The following ANK3 variants were observed in gnomAD, a reference collection of about 807,000 sequenced individuals.
ANK3 encodes the protein ankyrin 3.
A neutral mutation model predicts 370.9 loss-of-function variants in ANK3; 57 were observed. The ratio of observed to expected loss-of-function variants is 0.15; its 90% CI spans 0.12 to 0.19. The LOEUF (loss-of-function observed/expected upper bound fraction) is 0.19. ANK3 is among the 10% of genes least tolerant of loss of function. The pLI is 1.00. For missense variants in ANK3, 4,439 were observed against 5,302.1 expected, an observed-to-expected ratio of 0.84 and a Z score of 5.06; for synonymous variants, 1,929 against 1,946.3, an observed-to-expected ratio of 0.99 and a Z score of 0.23.
chr10:60,085,466 A>AT (rs1396891240), intron 30 of ANK3, among the ~76,000 whole-genome samples: 1 of 152,138 alleles, frequency 6.6e-6, no homozygotes, highest in Non-Finnish European at 1.5e-5. Flanking sequence ...ATGATATTAA[A>AT]TTAAAAAAAA....
In ANK3 at chr10:60,491,137, T is replaced by C. The variant is rs376396378; in HGVS notation, c.96+124049A>G. Among the ~76,000 whole-genome samples, 104 of 152,092 alleles carry C rather than the reference T, an allele frequency of 6.8e-4. 2 individuals are homozygous for C. The South Asian group carries it at 0.021, about 31-fold the overall frequency. On this transcript the variant is annotated intron_variant, in intron 2 of 43. Transcript: ENST00000373827. ...TTCATTTCAATTTTTAATTGTTGATTAGTATTTCATTCTATGAATATAGCA... is the reference window on the plus strand; with the variant it reads ...TTCATTTCAATTTTTAATTGTTGATCAGTATTTCATTCTATGAATATAGCA...
intron 1 of ANK3, among the ~76,000 whole-genome samples, chr10:60,665,322 G>A (rs748822642): frequency 1.1e-4 from 17 of 152,120 alleles, no homozygotes; most frequent in Non-Finnish European, 1.2e-4. Context: ...ACATCAAAAC[G>A]CAGTTATATT....
chr10:60,385,934 T>C (rs1316617049), intron 1 of ANK3, among the ~76,000 whole-genome samples: 1 of 152,056 alleles, frequency 6.6e-6, no homozygotes, highest in Non-Finnish European at 1.5e-5. Flanking sequence ...TTTTATAGTG[T>C]ATGTGGGGAG....
intron 2 of ANK3, among the ~76,000 whole-genome samples, chr10:60,579,473 G>A (rs2077723594): frequency 6.6e-6 from 1 of 151,888 alleles, no homozygotes; most frequent in Non-Finnish European, 1.5e-5. Flanking sequence ...TATGCAAGCT[G>A]TTCTAAGAAG....
At chr10:60,233,904 TC>T (rs1340972268) in intron 8 of ANK3, among the ~76,000 whole-genome samples, 1 of 152,186 alleles carries the variant, frequency 6.6e-6, no homozygotes, top group Non-Finnish European at 1.5e-5. Flanking sequence ...AATAACTATT[TC>T]CTCTACCCCC....
chr10:60,272,182 C>T (rs188228018), intron 4 of ANK3, among the ~76,000 whole-genome samples: 203 of 151,494 alleles, frequency 1.3e-3, no homozygotes, highest in Non-Finnish European at 2.6e-3. Context: ...AGTGCTATGA[C>T]GCTATGAGTG....
rs201665249 is a variant in ANK3 at position 60,293,544 on chromosome 10, CTAGA to C, written c.115-13909_115-13906del. Among the ~76,000 whole-genome samples, 71 of 152,240 alleles carry C rather than the reference CTAGA, an allele frequency of 4.7e-4. 1 individual carries two copies. The highest frequency in any genetic ancestry group is 1.5e-3 in the African/African-American group (64 of 41,556). On this transcript the variant is annotated intron_variant, in intron 1 of 43. Coordinates refer to ENST00000280772, the MANE Select transcript of ANK3 (RefSeq NM_020987.5). ...AGAGAGGTGTGATTTGCTTAACTAG[CTAGA>C]GAAAGTGCTGAAAATAGAATTTGGG...
At chr10:60,516,806 T>C (rs1184554592) in intron 2 of ANK3, among the ~76,000 whole-genome samples, 1 of 151,980 alleles carries the variant, frequency 6.6e-6, no homozygotes, top group East Asian at 1.9e-4. Flanking sequence ...GCACCAACAC[T>C]CCAAATATGT....
At chr10:60,088,416 A>G (rs1209321114) in intron 28 of ANK3, 58 bp from the exon 29 acceptor site, 3 of 1,440,414 alleles carry the variant, frequency 2.1e-6, no homozygotes, top group Non-Finnish European at 2.9e-6. Flanking sequence ...AACATACCTT[A>G]AGTCAAAATG....
chr10:60,367,185 T>C (rs1253347218), intron 1 of ANK3, among the ~76,000 whole-genome samples: 1 of 152,200 alleles, frequency 6.6e-6, no homozygotes, highest in Non-Finnish European at 1.5e-5. Flanking sequence ...ATTACTGAGA[T>C]AGATGGCACA....
chr10:60,353,290 G>C (rs897414278), intron 1 of ANK3, among the ~76,000 whole-genome samples: 6 of 151,958 alleles, frequency 3.9e-5, no homozygotes, highest in South Asian at 2.1e-4. Context: ...ACGGTGCCTG[G>C]AGGAACTGTG....
intron 1 of ANK3, among the ~76,000 whole-genome samples, chr10:60,723,914 AG>A (rs1288801725): frequency 7.2e-5 from 11 of 152,040 alleles, no homozygotes; most frequent in Non-Finnish European, 1.3e-4. Context: ...CAGTGGAATA[AG>A]GTAAAGAAAT....
At chr10:60,227,595 GTATTT>G (rs1565831364) in intron 8 of ANK3, among the ~76,000 whole-genome samples, 1 of 152,066 alleles carries the variant, frequency 6.6e-6, no homozygotes, top group East Asian at 1.9e-4. Context: ...ACATAGCAGT[GTATTT>G]TATTTTTAAT....
intron 26 of ANK3, among the ~76,000 whole-genome samples, chr10:60,113,646 G>T (rs73257346): frequency 0.041 from 6,179 of 152,208 alleles, 399 homozygotes; most frequent in African/African-American, 0.14. Context: ...GGAGGTAGAG[G>T]TTTCAGTAAG....
chr10:60,616,274 CT>C (rs1417643804), intron 1 of ANK3, among the ~76,000 whole-genome samples: 1 of 152,152 alleles, frequency 6.6e-6, no homozygotes, highest in Non-Finnish European at 1.5e-5. Context: ...TTCACAACTT[CT>C]AAAACAGTAA....
chr10:60,266,832 T>C (rs1213080200), intron 5 of ANK3, among the ~76,000 whole-genome samples: 1 of 152,162 alleles, frequency 6.6e-6, no homozygotes, highest in Non-Finnish European at 1.5e-5. Context: ...TAGAGGCTAC[T>C]GGAAAAAAGG....
At chr10:60,122,686 G>A (rs2093558201) in intron 25 of ANK3, among the ~76,000 whole-genome samples, 1 of 152,194 alleles carries the variant, frequency 6.6e-6, no homozygotes, top group East Asian at 1.9e-4. Flanking sequence ...CAGTGCTGGT[G>A]TTGGCATGGA....
chr10:60,382,394 GATCCTAATTA>G (rs2061662712), intron 1 of ANK3, among the ~76,000 whole-genome samples: 2 of 152,252 alleles, frequency 1.3e-5, no homozygotes, highest in Admixed American at 1.3e-4. Flanking sequence ...CTGAGGATAT[GATCCTAATTA>G]ATCAGAAAGT....
At chr10:60,343,249 TC>T (rs1336312496) in intron 1 of ANK3, among the ~76,000 whole-genome samples, 6 of 152,166 alleles carry the variant, frequency 3.9e-5, no homozygotes, top group African/African-American at 1.4e-4. Context: ...ATGTCAATAA[TC>T]TAAAGTTAGT....
Sources: gnomAD v4.1 joint callset for allele counts (sites outside exome capture counted in the v4.1 genomes callset) on GRCh38, gnomAD v4.1.1 for gene constraint, MANE v1.5 for transcripts, NCBI Gene and HGNC (gene_info 2026-07-23, HGNC 2026-07-21) for gene names.